DNAH11: variants seen among roughly 807,000 people sequenced by gnomAD.
DNAH11 encodes dynein axonemal heavy chain 11, also known as axonemal beta dynein heavy chain 11.
In DNAH11, 442 loss-of-function variants were observed where a neutral mutation model predicts 526.0. The ratio of observed to expected loss-of-function variants is 0.84; its 90% CI spans 0.78 to 0.91. The LOEUF (loss-of-function observed/expected upper bound fraction) is 0.91, where lower values mean the gene tolerates loss of function less well. Ranked by LOEUF, DNAH11 falls within the 40% of genes least tolerant of loss-of-function variation. DNAH11 has a pLI of 0.00. For synonymous variants in DNAH11, 2,461 were observed against 1,935.9 expected (o/e 1.27, Z -7.12); for missense variants, 6,989 against 5,448.7 (o/e 1.28, Z -8.90).
chr7:21,732,648 C>G (rs1042263500), intron 45 of DNAH11, among the ~76,000 whole-genome samples: 1 of 152,186 alleles, frequency 6.6e-6, no homozygotes, highest in African/African-American at 2.4e-5. Context: ...ATTTCACAAA[C>G]AAGGAATTCA....
At chr7:21,749,535 A>G in intron 52 of DNAH11, 143 bp from the exon 53 acceptor site, 1 of 1,047,374 alleles carries the variant, frequency 9.5e-7, no homozygotes, top group Non-Finnish European at 1.4e-6. Context: ...GGGGTCTCTC[A>G]GAGAAGGAAT....
In DNAH11 at chr7:21,881,982, A is replaced by G. The variant is rs192945240; in HGVS notation, c.12387+1089A>G. On this transcript the variant is annotated intron_variant, in intron 75 of 81. Coordinates refer to ENST00000409508, the MANE Select transcript of DNAH11 (RefSeq NM_001277115.2). ...ACTTTGAGCATATTTTGACCATTCT[A>G]TTAAATAGTAATATTTTTGTGTTGA... 2.6e-5 allele frequency among the ~76,000 whole-genome samples: 4 copies of G among 152,342 alleles called. No individual in the cohort carries two copies. In the East Asian group the frequency reaches 5.8e-4, roughly 22 times the overall value.
At chr7:21,678,100 T>G (rs778643833) in intron 30 of DNAH11, among the ~76,000 whole-genome samples, 48 of 152,166 alleles carry the variant, frequency 3.2e-4, no homozygotes, top group Non-Finnish European at 1.8e-4. Flanking sequence ...TTATTTTTTA[T>G]TTTGTTGTCT....
chr7:21,547,787 C>T (rs969628491), intron 2 of DNAH11, among the ~76,000 whole-genome samples: 6 of 152,104 alleles, frequency 3.9e-5, no homozygotes, highest in African/African-American at 1.2e-4. Context: ...TCACAAGTTC[C>T]CTCCTCTTTT....
intron 76 of DNAH11, among the ~76,000 whole-genome samples, chr7:21,891,994 C>T (rs944012378): frequency 6.6e-6 from 1 of 152,106 alleles, no homozygotes; most frequent in African/African-American, 2.4e-5. Context: ...CTACAGAGTC[C>T]TACTAAAATG....
Position 21,764,695 on chromosome 7 carries a change from C to T in DNAH11, c.8941-733C>T, listed in dbSNP as rs535870697. The stretch of plus-strand genomic sequence containing the variant: ...AGTTTCTGTGACCTACTGTCATAGC[C>T]AGATGTCACAGCCACCCTCAGGACT... On this transcript the variant is annotated intron_variant, in intron 54 of 81. Transcript: ENST00000409508. 1.1e-4 allele frequency among the ~76,000 whole-genome samples: 16 copies of T among 152,322 alleles called. No individual in the cohort carries two copies. The South Asian group carries it at 3.3e-3, about 32-fold the overall frequency.
In DNAH11 at chr7:21,801,199, C is replaced by T; in HGVS notation, c.10089C>T (p.Val3363=). Residue 3363 remains valine (V), a synonymous_variant, in exon 62 of 82, where the codon GTC becomes GTT. Transcript: ENST00000409508. ...ASFEKATAEK[V]RCQEEVNQTN... is the part of the protein sequence containing the mutation. The stretch of plus-strand genomic sequence containing the variant: ...TTGAAAAAGCAACAGCTGAGAAAGT[C>T]CGGTGTCAAGAAGAGGTGAACCAAA... 6.2e-7 allele frequency: 1 copy of T among 1,613,396 alleles called. No homozygotes were observed. Among genetic ancestry groups the T allele is most frequent in the Non-Finnish European group, 8.5e-7 (1 of 1,179,656 alleles).
At chr7:21,555,310 T>A (rs1459689753) in intron 2 of DNAH11, among the ~76,000 whole-genome samples, 1 of 152,188 alleles carries the variant, frequency 6.6e-6, no homozygotes, top group Non-Finnish European at 1.5e-5. Context: ...TGTCCCTGAT[T>A]CAAGGGTTGT....
chr7:21,838,297 A>T (rs954600012), intron 65 of DNAH11, among the ~76,000 whole-genome samples: 1 of 152,250 alleles, frequency 6.6e-6, no homozygotes, highest in African/African-American at 2.4e-5. Flanking sequence ...CTGTATTAGC[A>T]TGGTAACTTA....
chr7:21,643,617 C>T (rs1391947047), intron 28 of DNAH11, among the ~76,000 whole-genome samples: 2 of 152,082 alleles, frequency 1.3e-5, no homozygotes, highest in African/African-American at 2.4e-5. Context: ...GATTTAAATC[C>T]AAAAATTGAT....
chr7:21,893,283 A>T (rs1784392752), intron 77 of DNAH11, among the ~76,000 whole-genome samples: 1 of 152,246 alleles, frequency 6.6e-6, no homozygotes, highest in African/African-American at 2.4e-5. Context: ...TGGCTGTACC[A>T]GTTACTTTCC....
intron 79 of DNAH11, among the ~76,000 whole-genome samples, chr7:21,896,630 A>T (rs1784524395): frequency 6.6e-6 from 1 of 152,150 alleles, no homozygotes; most frequent in East Asian, 1.9e-4. Context: ...TGAATATCGT[A>T]TTCTCCTCAT....
intron 40 of DNAH11, among the ~76,000 whole-genome samples, 173 bp downstream of exon 40, chr7:21,708,008 A>G (rs1784335524): frequency 6.6e-6 from 1 of 152,254 alleles, no homozygotes; most frequent in African/African-American, 2.4e-5. Context: ...CTAGATTTGA[A>G]TAAATACTTG....
At chr7:21,550,665 T>G (rs1336829458) in intron 2 of DNAH11, among the ~76,000 whole-genome samples, 1 of 152,172 alleles carries the variant, frequency 6.6e-6, no homozygotes, top group Non-Finnish European at 1.5e-5. Flanking sequence ...CCCATTTAAT[T>G]TGAAACCTTC....
intron 14 of DNAH11, among the ~76,000 whole-genome samples, chr7:21,596,465 A>G (rs1012713698): frequency 5.3e-5 from 8 of 152,220 alleles, no homozygotes; most frequent in East Asian, 1.9e-4. Flanking sequence ...TAGTTGTTCA[A>G]TAAATGCTGT....
At position 21,717,960 on chromosome 7, in the gene DNAH11, T is replaced by C. The variant is rs2240470; in HGVS notation, c.7134+35T>C. ...CGGTTACGCCATTTAACGTTCTAGT[T>C]CTGATGCGGTAGTGTTTGTTGATCA... On this transcript the variant is annotated intron_variant, in intron 43 of 81. Transcript: ENST00000409508. The C allele has an allele frequency of 0.041, 65,543 of 1,584,934 alleles. 6,073 individuals are homozygous for C. The highest frequency in any genetic ancestry group is 0.34 in the East Asian group (14,935 of 44,574).
intron 6 of DNAH11, among the ~76,000 whole-genome samples, chr7:21,567,087 T>A (rs1051804855): frequency 2.0e-5 from 3 of 152,226 alleles, no homozygotes; most frequent in African/African-American, 7.2e-5. Flanking sequence ...GAGCAATATT[T>A]AATACTTTCA....
intron 65 of DNAH11, among the ~76,000 whole-genome samples, chr7:21,833,207 C>T (rs1393375013): frequency 1.3e-5 from 2 of 152,132 alleles, no homozygotes; most frequent in Non-Finnish European, 2.9e-5. Context: ...CTCTTTTCAT[C>T]AGGGAATATA....
At chr7:21,830,895 C>G (rs966137154) in intron 65 of DNAH11, among the ~76,000 whole-genome samples, 58 of 152,266 alleles carry the variant, frequency 3.8e-4, no homozygotes, top group African/African-American at 1.4e-3. Context: ...AATTTTATTT[C>G]TGTTCTGAGA....
Sources: gnomAD v4.1 joint callset for allele counts (sites outside exome capture counted in the v4.1 genomes callset) on GRCh38, gnomAD v4.1.1 for gene constraint, MANE v1.5 for transcripts, NCBI Gene and HGNC (gene_info 2026-07-23, HGNC 2026-07-21) for gene names.